Variants in C12orf56 observed in about 807,000 individuals in gnomAD.
The protein encoded by C12orf56 is uncharacterized protein C12orf56.
C12orf56 carries 71 observed loss-of-function variants against 69.9 expected under a neutral mutation model. That is an observed-to-expected ratio of 1.02 (90% CI 0.84 to 1.24). The LOEUF is 1.24. Ranked by LOEUF, C12orf56 falls within the 50% of genes most tolerant of loss-of-function variation. C12orf56 has a pLI of 0.00. For synonymous variants in C12orf56, 276 were observed against 274.1 expected, an observed-to-expected ratio of 1.01 and a Z score of -0.07; for missense variants, 732 against 738.5, an observed-to-expected ratio of 0.99 and a Z score of 0.10.
At chr12:64,352,835 A>AAT (rs530679066) in intron 2 of C12orf56, 59 bp downstream of exon 2, 296 of 1,368,134 alleles carry the variant, frequency 2.2e-4, no homozygotes, top group South Asian at 1.0e-3. Flanking sequence ...AATTTTAAGA[A>AAT]ATATATATAT....
intron 2 of C12orf56, among the ~76,000 whole-genome samples, chr12:64,351,962 C>T (rs891328425): frequency 1.3e-5 from 2 of 152,030 alleles, no homozygotes; most frequent in African/African-American, 2.4e-5. Flanking sequence ...ATACTCCCTT[C>T]GGATACATCC....
intron 1 of C12orf56, among the ~76,000 whole-genome samples, chr12:64,386,398 A>ATATATAT (rs752756817): frequency 0.15 from 12,740 of 86,576 alleles, 828 homozygotes; most frequent in East Asian, 0.32. Flanking sequence ...ATATATATAT[A>ATATATAT]TTTTTTTTTT....
intron 5 of C12orf56, among the ~76,000 whole-genome samples, chr12:64,306,838 C>T (rs1025236125): frequency 2.6e-5 from 4 of 152,124 alleles, no homozygotes; most frequent in Non-Finnish European, 5.9e-5. Flanking sequence ...CTTGCAGAAC[C>T]ATCCCATCTG....
At chr12:64,321,374 T>C (rs778178648) in intron 3 of C12orf56, among the ~76,000 whole-genome samples, 19 of 152,200 alleles carry the variant, frequency 1.2e-4, no homozygotes, top group Non-Finnish European at 2.5e-4. Flanking sequence ...GGGGTCTCAC[T>C]ACATTGCCCA....
At chr12:64,387,302 T>G (rs1240517174) in intron 1 of C12orf56, among the ~76,000 whole-genome samples, 1 of 152,120 alleles carries the variant, frequency 6.6e-6, no homozygotes, top group Non-Finnish European at 1.5e-5. Flanking sequence ...CTTCCAAAGT[T>G]GAACTATATT....
At chr12:64,287,194 G>C (rs1487202055) in intron 6 of C12orf56, among the ~76,000 whole-genome samples, 1 of 146,532 alleles carries the variant, frequency 6.8e-6, no homozygotes, top group African/African-American at 2.5e-5. Flanking sequence ...CAGTGAGCTG[G>C]GATTGCGCCA....
intron 1 of C12orf56, among the ~76,000 whole-genome samples, chr12:64,383,524 G>T (rs547281423): frequency 6.6e-6 from 1 of 151,790 alleles, no homozygotes; most frequent in African/African-American, 2.4e-5. Context: ...CTACAGACGC[G>T]TGCCACCACA....
At chr12:64,358,687 G>A (rs1592486096) in intron 1 of C12orf56, among the ~76,000 whole-genome samples, 2 of 147,764 alleles carry the variant, frequency 1.4e-5, no homozygotes, top group Non-Finnish European at 3.0e-5. Context: ...CCAGCTACTC[G>A]GGAGGCTGAG....
chr12:64,390,419 G>A lies in C12orf56; in HGVS notation c.147C>T (p.Ile49=). Residue 49 remains isoleucine (I), a synonymous_variant, in exon 1 of 13, where the codon ATC becomes ATT. Coordinates refer to ENST00000543942, the MANE Select transcript of C12orf56 (RefSeq NM_001170633.2). ...CIVVSNSENH[I]LKYVVLSDRL... ...GGTCGCTTAGCACCACATACTTGAG[G>A]ATGTGGTTCTCAGAGTTGGACACCA... 6.2e-7 allele frequency: 1 copy of A among 1,613,032 alleles called. No homozygotes were observed. Among genetic ancestry groups the A allele is most frequent in the Non-Finnish European group, 8.5e-7 (1 of 1,179,758 alleles).
At chr12:64,331,160 G>T in intron 2 of C12orf56, 128 bp from the exon 3 acceptor site, 1 of 785,074 alleles carries the variant, frequency 1.3e-6, no homozygotes, top group Non-Finnish European at 2.0e-6. Flanking sequence ...GTCCAAAATT[G>T]TAAGCTGGGT....
At chr12:64,310,773 G>T (rs1206640135) in intron 5 of C12orf56, among the ~76,000 whole-genome samples, 1 of 151,200 alleles carries the variant, frequency 6.6e-6, no homozygotes, top group African/African-American at 2.4e-5. Context: ...AAACGTGCAG[G>T]TTTGTTACAT....
At chr12:64,327,853 C>T (rs1314097994) in intron 3 of C12orf56, among the ~76,000 whole-genome samples, 1 of 152,202 alleles carries the variant, frequency 6.6e-6, no homozygotes, top group Non-Finnish European at 1.5e-5. Context: ...AACACATGAA[C>T]TCCTTAACCT....
chr12:64,284,721 A>G lies in C12orf56; in HGVS notation c.1253T>C (p.Leu418Ser), dbSNP rs1175338777. 6.2e-7 allele frequency: 1 copy of G among 1,610,918 alleles called. No individual in the cohort carries two copies. The highest frequency in any genetic ancestry group is 8.5e-7 in the Non-Finnish European group (1 of 1,178,808). Reference protein sequence around the residue: ...ACIEIIQTLVLMFRETETESS... With the variant: ...ACIEIIQTLVSMFRETETESS... ...CTCGGTTTCTGTTTCTCTGAACATC[A>G]ATACTAGGGTCTGTATAATTTCAAT... Residue 418 changes from leucine to serine, a missense_variant, in exon 8 of 13, where the codon TTG (leucine) becomes TCG (serine). Transcript: ENST00000543942.
intron 5 of C12orf56, among the ~76,000 whole-genome samples, chr12:64,308,940 G>GGAAGAAAGA (rs2038562416): frequency 2.5e-5 from 2 of 80,828 alleles, no homozygotes; most frequent in Non-Finnish European, 5.0e-5. Flanking sequence ...AAGAAAGAAA[G>GGAAGAAAGA]AAGAAAGAAA....
At position 64,273,862 on chromosome 12, in the gene C12orf56, C is replaced by T. The variant is rs570847136; in HGVS notation, c.1584+1039G>A. Among the ~76,000 whole-genome samples, 115 of 152,262 alleles carry T rather than the reference C, an allele frequency of 7.6e-4. 3 individuals are homozygous for T. Among genetic ancestry groups the T allele is most frequent in the Non-Finnish European group, 5.9e-5 (4 of 68,018 alleles). On this transcript the variant is annotated intron_variant, in intron 11 of 12. Transcript: ENST00000543942. ...CATTAGCCAAAGCAGCCACAGAGAC[C>T]GCCTCCACCCCACAATTTCACATGG...
intron 1 of C12orf56, among the ~76,000 whole-genome samples, chr12:64,383,720 A>T (rs2039752120): frequency 6.6e-6 from 1 of 151,960 alleles, no homozygotes; most frequent in Non-Finnish European, 1.5e-5. Flanking sequence ...ATGTGCTGAT[A>T]CAATGTAAAA....
At chr12:64,318,128 C>T (rs1277151632) in intron 4 of C12orf56, among the ~76,000 whole-genome samples, 1 of 152,060 alleles carries the variant, frequency 6.6e-6, no homozygotes, top group African/African-American at 2.4e-5. Flanking sequence ...GCAATCTCAG[C>T]TCACTGCAAT....
In C12orf56 at chr12:64,266,234, A is replaced by G. The variant is rs983325055; in HGVS notation, c.*949T>C. ...TCGTGGCTTCACACCACTCACCATT[A>G]TTACACCAGTGAAACTCACCAGATT... On this transcript the variant is annotated 3_prime_UTR_variant, in exon 13 of 13. Transcript: ENST00000543942. 6.6e-6 allele frequency: 1 copy of G among 152,258 alleles called. No homozygotes were observed. The allele number at this position is 152,258 out of a possible 1,614,324, so 9.4% of individuals were successfully genotyped here.
At chr12:64,380,175 A>C (rs568264856) in intron 1 of C12orf56, among the ~76,000 whole-genome samples, 3 of 150,418 alleles carry the variant, frequency 2.0e-5, no homozygotes, top group African/African-American at 7.3e-5. Context: ...GCTAAACAAC[A>C]CAGGGATCAT....
Sources: gnomAD v4.1 joint callset for allele counts (sites outside exome capture counted in the v4.1 genomes callset) on GRCh38, gnomAD v4.1.1 for gene constraint, MANE v1.5 for transcripts, NCBI Gene and HGNC (gene_info 2026-07-23, HGNC 2026-07-21) for gene names.